The following SGCZ variants were observed in gnomAD, a reference collection of about 807,000 sequenced individuals.
The protein encoded by SGCZ is sarcoglycan zeta, also known as zeta-sarcoglycan.
SGCZ carries 40 observed loss-of-function variants against 41.3 expected under a neutral mutation model. The ratio of observed to expected loss-of-function variants is 0.97; its 90% CI spans 0.75 to 1.26. The LOEUF (loss-of-function observed/expected upper bound fraction) is 1.26. Among genes scored for constraint, SGCZ ranks in the 50% most tolerant of loss-of-function variants. SGCZ has a pLI of 0.00. For synonymous variants in SGCZ, 206 were observed against 137.5 expected, an observed-to-expected ratio of 1.50 and a Z score of -3.49; for missense variants, 552 against 369.8, an observed-to-expected ratio of 1.49 and a Z score of -4.04.
chr8:14,323,289 T>G (rs1055647299), intron 3 of SGCZ, among the ~76,000 whole-genome samples: 2 of 152,050 alleles, frequency 1.3e-5, no homozygotes, highest in African/African-American at 4.8e-5. Flanking sequence ...ATTAAAATAT[T>G]AAAACATTAT....
At chr8:14,132,734 T>G (rs1048150589) in intron 5 of SGCZ, among the ~76,000 whole-genome samples, 1 of 152,172 alleles carries the variant, frequency 6.6e-6, no homozygotes, top group Admixed American at 6.6e-5. Context: ...TTTCTGTTTC[T>G]TTGTATGAAT....
chr8:14,461,792 T>TAA, intron 2 of SGCZ, among the ~76,000 whole-genome samples: 1 of 152,164 alleles, frequency 6.6e-6, no homozygotes, highest in East Asian at 1.9e-4. Flanking sequence ...TCACTTCTTA[T>TAA]AAAAAAATTC....
At chr8:14,685,492 A>G (rs951851018) in intron 1 of SGCZ, among the ~76,000 whole-genome samples, 7 of 152,104 alleles carry the variant, frequency 4.6e-5, no homozygotes, top group African/African-American at 1.7e-4. Flanking sequence ...TTATATGACA[A>G]TCTCAATTTA....
chr8:14,979,546 C>T (rs954765795), intron 1 of SGCZ, among the ~76,000 whole-genome samples: 13 of 152,124 alleles, frequency 8.5e-5, no homozygotes, highest in Admixed American at 5.2e-4. Flanking sequence ...AAACTGCTAC[C>T]TTATTTTCTC....
intron 1 of SGCZ, among the ~76,000 whole-genome samples, chr8:14,905,711 C>A (rs1393599154): frequency 1.3e-5 from 2 of 151,568 alleles, no homozygotes; most frequent in Non-Finnish European, 2.9e-5. Flanking sequence ...TGAAGATATA[C>A]ATAGGTAAAG....
chr8:14,893,517 G>A (rs1320469221), intron 1 of SGCZ, among the ~76,000 whole-genome samples: 1 of 152,074 alleles, frequency 6.6e-6, no homozygotes, highest in Admixed American at 6.5e-5. Context: ...CTCTTTTCAG[G>A]GGACGTAGAA....
At chr8:14,825,204 C>T (rs1256405110) in intron 1 of SGCZ, among the ~76,000 whole-genome samples, 1 of 152,116 alleles carries the variant, frequency 6.6e-6, no homozygotes, top group Non-Finnish European at 1.5e-5. Flanking sequence ...ATTATACATT[C>T]ATCCAGTAAA....
chr8:14,467,433 T>C (rs978809201), intron 2 of SGCZ, among the ~76,000 whole-genome samples: 3 of 151,958 alleles, frequency 2.0e-5, no homozygotes, highest in African/African-American at 7.3e-5. Flanking sequence ...AGCACAAATC[T>C]CTTATATTTG....
chr8:14,420,993 T>C (rs1174415603), intron 2 of SGCZ, among the ~76,000 whole-genome samples: 1 of 152,094 alleles, frequency 6.6e-6, no homozygotes, highest in Non-Finnish European at 1.5e-5. Context: ...CAGAAGATAT[T>C]TGTAAAGTAC....
chr8:14,591,019 T>G (rs1201303797), intron 1 of SGCZ, among the ~76,000 whole-genome samples: 3 of 151,426 alleles, frequency 2.0e-5, no homozygotes, highest in Non-Finnish European at 3.0e-5. Context: ...CCATCATTTT[T>G]TTTTCAGGCA....
At chr8:15,020,538 G>A (rs1803213035) in intron 1 of SGCZ, among the ~76,000 whole-genome samples, 1 of 152,012 alleles carries the variant, frequency 6.6e-6, no homozygotes, top group Admixed American at 6.6e-5. Flanking sequence ...AAATATAATC[G>A]CTGTCAGCTC....
At chr8:14,095,944 C>CATTG (rs1801831834) in intron 7 of SGCZ, among the ~76,000 whole-genome samples, 1 of 152,096 alleles carries the variant, frequency 6.6e-6, no homozygotes, top group Admixed American at 6.6e-5. Context: ...GATTTTTGCA[C>CATTG]ATTGATTTTG....
chr8:14,766,778 A>G (rs1045465145), intron 1 of SGCZ, among the ~76,000 whole-genome samples: 1 of 122,866 alleles, frequency 8.1e-6, no homozygotes, highest in Non-Finnish European at 1.6e-5. Context: ...GGGTTTTGCC[A>G]CGTTGCCCAG....
chr8:14,280,465 AGG>A (rs995119181), intron 3 of SGCZ, among the ~76,000 whole-genome samples: 1 of 151,844 alleles, frequency 6.6e-6, no homozygotes, highest in Non-Finnish European at 1.5e-5. Flanking sequence ...TAAATTTTTA[AGG>A]GACTGGGCTA....
chr8:14,395,858 C>A (rs1798904085), intron 2 of SGCZ, among the ~76,000 whole-genome samples: 1 of 151,772 alleles, frequency 6.6e-6, no homozygotes, highest in South Asian at 2.1e-4. Context: ...CATGTGGAAT[C>A]ACTACTTAAA....
intron 1 of SGCZ, among the ~76,000 whole-genome samples, chr8:14,939,752 G>A (rs909708402): frequency 2.6e-5 from 4 of 152,016 alleles, no homozygotes; most frequent in African/African-American, 4.8e-5. Context: ...TAAGACCGGC[G>A]CAAACAGTGT....
intron 2 of SGCZ, among the ~76,000 whole-genome samples, chr8:14,483,729 G>T (rs1046195098): frequency 6.6e-6 from 1 of 152,046 alleles, no homozygotes; most frequent in Non-Finnish European, 1.5e-5. Flanking sequence ...TTGGTTACTT[G>T]TATAAGAATA....
At chr8:14,872,192 T>C (rs1299298615) in intron 1 of SGCZ, among the ~76,000 whole-genome samples, 1 of 151,944 alleles carries the variant, frequency 6.6e-6, no homozygotes, top group South Asian at 2.1e-4. Context: ...AGGGGAGGGA[T>C]AGCATTAGGA....
At chr8:14,808,924 T>C (rs907473552) in intron 1 of SGCZ, among the ~76,000 whole-genome samples, 1 of 151,608 alleles carries the variant, frequency 6.6e-6, no homozygotes, top group Non-Finnish European at 1.5e-5. Context: ...GTTCATGTCC[T>C]TTGTAGGGAC....
Sources: allele counts gnomAD v4.1 joint callset (sites outside exome capture counted in the v4.1 genomes callset), GRCh38; gene constraint gnomAD v4.1.1; transcripts MANE v1.5; gene names NCBI Gene and HGNC (gene_info 2026-07-23, HGNC 2026-07-21).